The following SAMMSON variants were observed in gnomAD, a reference collection of about 807,000 sequenced individuals.
The protein encoded by SAMMSON is long intergenic non-protein coding RNA 1212.
chr3:70,340,410 G>C (rs4330233), intron 7 of SAMMSON, among the ~76,000 whole-genome samples: 130,903 of 151,680 alleles, frequency 0.86, 56,577 homozygotes, highest in East Asian at 0.94. Context: ...AAAAAGCAGG[G>C]TATCCTTAGA....
At chr3:70,214,500 G>T (rs17006856) in intron 4 of SAMMSON, among the ~76,000 whole-genome samples, 2,779 of 151,924 alleles carry the variant, frequency 0.018, 92 homozygotes, top group African/African-American at 0.062. Flanking sequence ...AAGGTGAAAA[G>T]GATTAAAGAG....
intron 6 of SAMMSON, among the ~76,000 whole-genome samples, chr3:70,290,086 T>C (rs1252294574): frequency 5.3e-5 from 8 of 152,234 alleles, no homozygotes; most frequent in Non-Finnish European, 8.8e-5. Context: ...CATCCAGCTT[T>C]GTTCCGTTGC....
chr3:70,042,594 A>T (rs1195099912), intron 3 of SAMMSON, among the ~76,000 whole-genome samples: 1 of 152,058 alleles, frequency 6.6e-6, no homozygotes, highest in Non-Finnish European at 1.5e-5. Flanking sequence ...TTCTCTTTCC[A>T]CTAGCCCCAT....
chr3:70,010,295 A>G (rs895220682), intron 1 of SAMMSON, among the ~76,000 whole-genome samples: 4 of 152,088 alleles, frequency 2.6e-5, no homozygotes, highest in African/African-American at 9.7e-5. Context: ...TAGATCTCTA[A>G]GAACTTGCTT....
At chr3:70,028,127 G>A (rs201584423) in intron 3 of SAMMSON, among the ~76,000 whole-genome samples, 10 of 105,592 alleles carry the variant, frequency 9.5e-5, no homozygotes, top group South Asian at 3.3e-4. Flanking sequence ...CCTTCCTTCC[G>A]TCCCTTCCTT....
At chr3:70,411,196 G>A (rs925932797) in intron 2 of SAMMSON, among the ~76,000 whole-genome samples, 4 of 152,136 alleles carry the variant, frequency 2.6e-5, no homozygotes, top group Non-Finnish European at 2.9e-5. Context: ...AAGTTATCTT[G>A]ACTAAAAGGG....
intron 2 of SAMMSON, among the ~76,000 whole-genome samples, chr3:70,420,015 C>CA (rs1163206929): frequency 6.6e-6 from 1 of 152,158 alleles, no homozygotes; most frequent in East Asian, 1.9e-4. Context: ...AACAATTTCC[C>CA]AAAAACTCTT....
chr3:70,164,730 T>C (rs1021300507), intron 4 of SAMMSON, among the ~76,000 whole-genome samples: 2 of 152,040 alleles, frequency 1.3e-5, no homozygotes, highest in African/African-American at 4.8e-5. Context: ...CAGAGGATAA[T>C]AATAGAACCT....
At chr3:70,373,329 G>T (rs1375730525) in intron 9 of SAMMSON, among the ~76,000 whole-genome samples, 1 of 151,924 alleles carries the variant, frequency 6.6e-6, no homozygotes, top group Non-Finnish European at 1.5e-5. Flanking sequence ...CATCATTTTT[G>T]ATGATAAATC....
At chr3:70,219,672 C>G (rs1701444749) in intron 4 of SAMMSON, among the ~76,000 whole-genome samples, 1 of 152,068 alleles carries the variant, frequency 6.6e-6, no homozygotes, top group South Asian at 2.1e-4. Flanking sequence ...ATTGAAATGA[C>G]AGAATTAAAA....
At chr3:70,129,041 A>G (rs115840232) in intron 4 of SAMMSON, among the ~76,000 whole-genome samples, 2,054 of 152,306 alleles carry the variant, frequency 0.013, 48 homozygotes, top group African/African-American at 0.046. Flanking sequence ...CCGGTCTGGC[A>G]CCAATAAATA....
At chr3:70,013,787 A>T (rs1201770515) in intron 3 of SAMMSON, 1 of 152,176 alleles carries the variant, frequency 6.6e-6, no homozygotes, top group Non-Finnish European at 1.5e-5. Flanking sequence ...CCACTTTCTT[A>T]TTGCAGCTTT....
At chr3:70,180,826 A>C (rs1269220887) in intron 4 of SAMMSON, among the ~76,000 whole-genome samples, 4 of 152,202 alleles carry the variant, frequency 2.6e-5, no homozygotes, top group Non-Finnish European at 5.9e-5. Flanking sequence ...GCGAAGGCTA[A>C]GAAAAGTTCT....
chr3:70,260,269 G>A (rs931486292), intron 6 of SAMMSON, among the ~76,000 whole-genome samples: 7 of 152,184 alleles, frequency 4.6e-5, no homozygotes, highest in African/African-American at 1.4e-4. Context: ...TCATCGTACG[G>A]CATTTCCCCT....
intron 4 of SAMMSON, among the ~76,000 whole-genome samples, chr3:70,163,572 G>T (rs2067625074): frequency 6.6e-6 from 1 of 151,806 alleles, no homozygotes; most frequent in Non-Finnish European, 1.5e-5. Flanking sequence ...AAAATGCCAG[G>T]TTGGGGTTTT....
At chr3:70,370,206 T>A (rs530256600) in intron 9 of SAMMSON, among the ~76,000 whole-genome samples, 2 of 152,154 alleles carry the variant, frequency 1.3e-5, no homozygotes, top group African/African-American at 4.8e-5. Context: ...CTTTATCCAT[T>A]CATCCATGGA....
At chr3:70,369,625 G>T (rs1405201998) in intron 9 of SAMMSON, among the ~76,000 whole-genome samples, 8 of 151,418 alleles carry the variant, frequency 5.3e-5, no homozygotes, top group African/African-American at 1.9e-4. Context: ...GGGGAAAAGA[G>T]CCCAGTTTCT....
At chr3:70,248,816 T>A in intron 4 of SAMMSON, among the ~76,000 whole-genome samples, 1 of 152,192 alleles carries the variant, frequency 6.6e-6, no homozygotes, top group Non-Finnish European at 1.5e-5. Context: ...TAGGCTACCA[T>A]GTGTGATATG....
intron 3 of SAMMSON, among the ~76,000 whole-genome samples, chr3:70,039,708 G>T (rs764385440): frequency 3.3e-5 from 5 of 151,558 alleles, no homozygotes; most frequent in Admixed American, 3.3e-4. Context: ...CTGTCTCAGG[G>T]GAGGTGGTTC....
Sources: allele counts gnomAD v4.1 joint callset (sites outside exome capture counted in the v4.1 genomes callset), GRCh38; gene constraint gnomAD v4.1.1; transcripts MANE v1.5; gene names NCBI Gene and HGNC (gene_info 2026-07-23, HGNC 2026-07-21).